The following COX10 variants were observed in gnomAD, a reference collection of about 807,000 sequenced individuals.
COX10 encodes the protein cytochrome c oxidase assembly factor heme A:farnesyltransferase COX10.
Under a neutral mutation model 37.3 loss-of-function variants are expected in COX10, and 27 were observed. The ratio of observed to expected loss-of-function variants is 0.72; its 90% CI spans 0.53 to 1.00. The LOEUF is 1.00. Ranked by LOEUF, COX10 falls within the 50% of genes least tolerant of loss-of-function variation. The pLI is 0.00. For missense variants in COX10, 475 were observed against 563.2 expected, an observed-to-expected ratio of 0.84 and a Z score of 1.59; for synonymous variants, 222 against 229.1, an observed-to-expected ratio of 0.97 and a Z score of 0.28.
intron 5 of COX10, among the ~76,000 whole-genome samples, chr17:14,168,809 T>C (rs1002023931): frequency 6.6e-6 from 1 of 152,244 alleles, no homozygotes; most frequent in African/African-American, 2.4e-5. Flanking sequence ...GAAGCCATTT[T>C]TCACTCCTAT....
At chr17:14,166,906 T>G (rs1905306029) in intron 5 of COX10, among the ~76,000 whole-genome samples, 1 of 151,550 alleles carries the variant, frequency 6.6e-6, no homozygotes, top group Admixed American at 6.6e-5. Flanking sequence ...AGTGCTGGGA[T>G]TGCAGCCGTG....
Position 14,096,376 on chromosome 17 carries a change from TTC to T in COX10, c.500-5740_500-5739del, listed in dbSNP as rs1491089251. Reference sequence around the variant, plus strand: ...TAAATGTAGGTGTGTTTTTTTTTTTTTCTTTTTTTTTTTTTTTTGAGCTGGCC... The same window carrying T: ...TAAATGTAGGTGTGTTTTTTTTTTTTTTTTTTTTTTTTTTTTGAGCTGGCC... On this transcript the variant is annotated intron_variant, in intron 3 of 6. Transcript: ENST00000261643. 1.2e-3 allele frequency among the ~76,000 whole-genome samples: 133 copies of T among 109,230 alleles called. 3 individuals are homozygous for T. The highest frequency in any genetic ancestry group is 3.9e-3 in the African/African-American group (113 of 29,154). 71.7% of individuals were successfully genotyped at this position (109,230 alleles called of 152,430 possible). A position where few individuals can be genotyped will look rare whatever the true frequency, so the allele number is the denominator to read the frequency against.
intron 4 of COX10, among the ~76,000 whole-genome samples, chr17:14,108,368 A>G (rs1915943074): frequency 6.6e-6 from 1 of 152,218 alleles, no homozygotes; most frequent in Admixed American, 6.6e-5. Flanking sequence ...TAAATGGTGA[A>G]TGAATTCATA....
rs1359643212 is a variant in COX10, at chr17:14,208,043, C to G, written c.*830C>G. 1 of 152,326 alleles carries G rather than the reference C, an allele frequency of 6.6e-6. No homozygotes were observed. Among genetic ancestry groups the G allele is most frequent in the Non-Finnish European group, 1.5e-5 (1 of 68,130 alleles). The allele number at this position is 152,326 out of a possible 1,614,324, so 9.4% of individuals were successfully genotyped here. On this transcript the variant is annotated 3_prime_UTR_variant, in exon 7 of 7. Transcript: ENST00000261643. ...GGAGTCACTACTGTGGGTCGCCACT[C>G]CTCTGCTACACAGCACGGCTTTTTC...
At chr17:14,188,386 C>T (rs947595530) in intron 5 of COX10, among the ~76,000 whole-genome samples, 1 of 151,136 alleles carries the variant, frequency 6.6e-6, no homozygotes, top group African/African-American at 2.4e-5. Flanking sequence ...TATTGTGTGC[C>T]ATGTTGGGAA....
chr17:14,109,686 T>G (rs1439496345), intron 4 of COX10, among the ~76,000 whole-genome samples: 4 of 152,096 alleles, frequency 2.6e-5, no homozygotes, highest in Non-Finnish European at 5.9e-5. Context: ...CTTATTCCAG[T>G]CACTACCTTG....
At chr17:14,070,293 A>G (rs1914988015) in intron 1 of COX10, among the ~76,000 whole-genome samples, 1 of 152,072 alleles carries the variant, frequency 6.6e-6, no homozygotes. Context: ...TATATAAACT[A>G]GGGCCCCCTA....
chr17:14,175,081 A>AGCG (rs1203009650), intron 5 of COX10, among the ~76,000 whole-genome samples: 40 of 1,860 alleles, frequency 0.022, no homozygotes, highest in African/African-American at 0.036. Context: ...ACTGGGAAAT[A>AGCG]GCGGGGGGGG....
chr17:14,159,863 C>A lies in COX10; in HGVS notation c.625-14C>A, dbSNP rs1405732414. On this transcript the variant is annotated splice_polypyrimidine_tract_variant and intron_variant, in intron 4 of 6. Transcript: ENST00000261643. ...ATAGTTAATGTTTTCTGTCTTTTTT[C>A]ATTCTTTTTACAGTTTTTTGAGGTG... 1 of 1,597,632 alleles carries A rather than the reference C, an allele frequency of 6.3e-7. No homozygotes were observed. Among genetic ancestry groups the A allele is most frequent in the African/African-American group, 1.3e-5 (1 of 74,722 alleles).
intron 3 of COX10, among the ~76,000 whole-genome samples, chr17:14,098,905 G>A (rs541989044): frequency 6.6e-6 from 1 of 152,210 alleles, no homozygotes; most frequent in Admixed American, 6.5e-5. Flanking sequence ...GTTGTGTTAT[G>A]ACTTGTAGTA....
At position 14,155,779 on chromosome 17, in the gene COX10, C is replaced by T. The variant is rs139968134; in HGVS notation, c.625-4098C>T. On this transcript the variant is annotated intron_variant, in intron 4 of 6. Coordinates refer to ENST00000261643, the MANE Select transcript of COX10 (RefSeq NM_001303.4). ...AGTGAACACAGAAGGCTAGGGTCTG[C>T]ACTTTGGGTAAGGCTCATTGTGTTG... 5.1e-4 allele frequency among the ~76,000 whole-genome samples: 78 copies of T among 151,864 alleles called. 2 individuals carry two copies. The East Asian group carries it at 0.014, about 28-fold the overall frequency.
intron 3 of COX10, among the ~76,000 whole-genome samples, chr17:14,079,876 GTAT>G (rs1915244009): frequency 7.9e-6 from 1 of 126,134 alleles, no homozygotes; most frequent in Non-Finnish European, 1.7e-5. Context: ...ATGTATGTAT[GTAT>G]ACACACACAC....
chr17:14,146,166 C>T, intron 4 of COX10, among the ~76,000 whole-genome samples: 1 of 151,892 alleles, frequency 6.6e-6, no homozygotes, highest in Non-Finnish European at 1.5e-5. Flanking sequence ...CAAAGATGTC[C>T]TAAGCAAAAA....
intron 4 of COX10, among the ~76,000 whole-genome samples, chr17:14,117,898 G>A (rs1916148415): frequency 6.6e-6 from 1 of 152,140 alleles, no homozygotes; most frequent in South Asian, 2.1e-4. Flanking sequence ...ATTTTATTGG[G>A]TGGTGGAGGT....
intron 6 of COX10, among the ~76,000 whole-genome samples, chr17:14,194,420 T>C (rs1016032801): frequency 1.3e-5 from 2 of 152,198 alleles, no homozygotes; most frequent in Non-Finnish European, 2.9e-5. Context: ...CTAATAGTCA[T>C]GTTTAAAATA....
chr17:14,166,535 T>C (rs1010996251), intron 5 of COX10, among the ~76,000 whole-genome samples: 15 of 151,586 alleles, frequency 9.9e-5, no homozygotes, highest in African/African-American at 3.2e-4. Context: ...GATGGAGATA[T>C]ACAAGGAAAC....
At chr17:14,205,672 C>T (rs1906677942) in intron 6 of COX10, among the ~76,000 whole-genome samples, 1 of 152,186 alleles carries the variant, frequency 6.6e-6, no homozygotes, top group Admixed American at 6.5e-5. Context: ...CCTTAGGTGG[C>T]TTCGTGCATG....
intron 5 of COX10, among the ~76,000 whole-genome samples, chr17:14,173,038 A>ATTTG (rs374207533): frequency 2.0e-5 from 3 of 152,066 alleles, no homozygotes; most frequent in Non-Finnish European, 4.4e-5. Context: ...CAATGGCATT[A>ATTTG]TTTGTTTGTT....
chr17:14,128,182 CT>C (rs1455048411), intron 4 of COX10, among the ~76,000 whole-genome samples: 1 of 151,850 alleles, frequency 6.6e-6, no homozygotes, highest in Non-Finnish European at 1.5e-5. Flanking sequence ...CCTCCAAAAG[CT>C]TATACATGAA....
Sources: allele counts gnomAD v4.1 joint callset (sites outside exome capture counted in the v4.1 genomes callset), GRCh38; gene constraint gnomAD v4.1.1; transcripts MANE v1.5; gene names NCBI Gene and HGNC (gene_info 2026-07-23, HGNC 2026-07-21).